RGS7: variants seen among roughly 807,000 people sequenced by gnomAD.
RGS7 encodes the protein regulator of G protein signaling 7, also known as regulator of G-protein signaling 7.
Under a neutral mutation model 81.1 loss-of-function variants are expected in RGS7, and 27 were observed. The ratio of observed to expected loss-of-function variants is 0.33; its 90% CI spans 0.25 to 0.46. The LOEUF is 0.46. RGS7 is among the 20% of genes least tolerant of loss of function. The pLI is 1.00. For missense variants in RGS7, 396 were observed against 607.4 expected, an observed-to-expected ratio of 0.65 and a Z score of 3.66; for synonymous variants, 208 against 207.7, an observed-to-expected ratio of 1.00 and a Z score of -0.01.
chr1:240,974,590 A>C (rs1683779350), intron 4 of RGS7, among the ~76,000 whole-genome samples: 1 of 152,238 alleles, frequency 6.6e-6, no homozygotes, highest in African/African-American at 2.4e-5. Context: ...CATACATAAA[A>C]TAAAAAATAT....
intron 2 of RGS7, among the ~76,000 whole-genome samples, chr1:241,225,047 CATGGATAT>C (rs1253692484): frequency 1.3e-5 from 2 of 151,988 alleles, no homozygotes. Context: ...AGTTCTGTTA[CATGGATAT>C]ATTGCCTAGT....
At chr1:241,350,606 G>T (rs2083174069) in intron 2 of RGS7, among the ~76,000 whole-genome samples, 1 of 151,848 alleles carries the variant, frequency 6.6e-6, no homozygotes, top group Non-Finnish European at 1.5e-5. Flanking sequence ...GAAAACTAAG[G>T]TTCAAAAATG....
chr1:240,885,371 A>G (rs1399968845), intron 6 of RGS7, among the ~76,000 whole-genome samples: 3 of 152,176 alleles, frequency 2.0e-5, no homozygotes, highest in African/African-American at 4.8e-5. Context: ...AAACAGAACT[A>G]CCATTGGACC....
chr1:241,001,357 T>C (rs949226230), intron 3 of RGS7, among the ~76,000 whole-genome samples: 5 of 152,120 alleles, frequency 3.3e-5, no homozygotes, highest in African/African-American at 1.2e-4. Context: ...GATTGAGGTT[T>C]AAATGAACTG....
At chr1:240,805,557 T>C (rs1572170226) in intron 15 of RGS7, among the ~76,000 whole-genome samples, 1 of 152,304 alleles carries the variant, frequency 6.6e-6, no homozygotes, top group East Asian at 1.9e-4. Flanking sequence ...CTTAGGAAGT[T>C]AGAATCAGTT....
At chr1:240,864,792 A>G (rs1445747874) in intron 9 of RGS7, among the ~76,000 whole-genome samples, 1 of 152,138 alleles carries the variant, frequency 6.6e-6, no homozygotes, top group Admixed American at 6.5e-5. Flanking sequence ...CTGGAGGAAA[A>G]AAGAGATGGC....
chr1:241,166,017 G>A lies in RGS7; in HGVS notation c.79-67255C>T, dbSNP rs182922105. ...CTGGGAACCAGGCTCAGCAATCTGC[G>A]TTGTAATAAGCCCTCCAGGTGATTC... is the stretch of plus-strand genomic sequence containing the variant. On this transcript the variant is annotated intron_variant, in intron 2 of 18. Transcript: ENST00000440928. 1.1e-4 allele frequency among the ~76,000 whole-genome samples: 17 copies of A among 152,268 alleles called. No individual in the cohort carries two copies. The Middle Eastern group carries it at 0.01, about 92-fold the overall frequency.
rs530953938 is a variant in RGS7 at position 240,960,515 on chromosome 1, TACAGGCGTGAGCC to T, written c.226+22551_226+22563del. ...CCTCAGCCTTCCAAAGTGCTAGGAT[TACAGGCGTGAGCC>T]ACTGTGCCTGGGCTGTTCTTTTTTT... On this transcript the variant is annotated intron_variant, in intron 4 of 18. Transcript: ENST00000440928. Among the ~76,000 whole-genome samples, 563 of 150,990 alleles carry T rather than the reference TACAGGCGTGAGCC, an allele frequency of 3.7e-3. 7 individuals are homozygous for T. Among genetic ancestry groups the T allele is most frequent in the South Asian group, 9.8e-3 (47 of 4,782 alleles).
At chr1:241,264,142 G>A (rs918055096) in intron 2 of RGS7, among the ~76,000 whole-genome samples, 1 of 152,146 alleles carries the variant, frequency 6.6e-6, no homozygotes, top group Non-Finnish European at 1.5e-5. Flanking sequence ...TTATGTTTGA[G>A]TATTTTTTAA....
chr1:241,225,433 T>C (rs2075260610), intron 2 of RGS7, among the ~76,000 whole-genome samples: 1 of 152,222 alleles, frequency 6.6e-6, no homozygotes, highest in Non-Finnish European at 1.5e-5. Flanking sequence ...ACTTATTCAA[T>C]ACTTAGCTTT....
chr1:241,312,288 G>A (rs1400694687), intron 2 of RGS7, among the ~76,000 whole-genome samples: 1 of 152,198 alleles, frequency 6.6e-6, no homozygotes, highest in Non-Finnish European at 1.5e-5. Context: ...GAGAGAAACA[G>A]ACTACAAACA....
chr1:241,012,709 G>T (rs966621216), intron 3 of RGS7, among the ~76,000 whole-genome samples: 1 of 152,158 alleles, frequency 6.6e-6, no homozygotes, highest in African/African-American at 2.4e-5. Context: ...TGCGAGATTT[G>T]CATCTGTAGA....
intron 3 of RGS7, among the ~76,000 whole-genome samples, chr1:241,015,013 A>G (rs542857289): frequency 1.6e-4 from 24 of 152,340 alleles, no homozygotes; most frequent in South Asian, 1.0e-3. Flanking sequence ...AAAAGTTGCC[A>G]GGTTTCAGAA....
chr1:241,184,257 C>A (rs1475369141), intron 2 of RGS7, among the ~76,000 whole-genome samples: 2 of 152,034 alleles, frequency 1.3e-5, no homozygotes, highest in African/African-American at 4.8e-5. Flanking sequence ...ATTCATTGAG[C>A]TCAAGAGCCA....
At chr1:240,918,927 G>A (rs992599857) in intron 6 of RGS7, among the ~76,000 whole-genome samples, 5 of 151,760 alleles carry the variant, frequency 3.3e-5, no homozygotes, top group African/African-American at 1.2e-4. Context: ...CCTAAAAATA[G>A]TAAAAGAATA....
intron 4 of RGS7, among the ~76,000 whole-genome samples, chr1:240,941,291 T>C (rs780658163): frequency 1.9e-4 from 29 of 152,344 alleles, no homozygotes; most frequent in Non-Finnish European, 3.2e-4. Flanking sequence ...TTTGGTCAAA[T>C]AGTAATCTAG....
chr1:240,916,603 T>A (rs78362306), intron 6 of RGS7, among the ~76,000 whole-genome samples: 1,672 of 152,074 alleles, frequency 0.011, 17 homozygotes, highest in Middle Eastern at 0.014. Flanking sequence ...ATCATAAGGG[T>A]GAGGTCCCAA....
chr1:240,956,373 C>T (rs1247126186), intron 4 of RGS7, among the ~76,000 whole-genome samples: 1 of 75,714 alleles, frequency 1.3e-5, no homozygotes, highest in Non-Finnish European at 2.7e-5. Flanking sequence ...GTACCAAAAA[C>T]AAAAAACAAA....
intron 2 of RGS7, among the ~76,000 whole-genome samples, chr1:241,325,692 G>A (rs1464415655): frequency 1.3e-5 from 2 of 152,134 alleles, no homozygotes; most frequent in Non-Finnish European, 2.9e-5. Flanking sequence ...AGGGATTTTA[G>A]ATCTGATACT....
Sources: allele counts gnomAD v4.1 joint callset (sites outside exome capture counted in the v4.1 genomes callset), GRCh38; gene constraint gnomAD v4.1.1; transcripts MANE v1.5; gene names NCBI Gene and HGNC (gene_info 2026-07-23, HGNC 2026-07-21).